Variants in GRIK2 observed in about 807,000 individuals in gnomAD.
GRIK2 encodes the protein glutamate ionotropic receptor kainate type subunit 2, also known as glutamate receptor ionotropic, kainate 2.
In GRIK2, 32 loss-of-function variants were observed where a neutral mutation model predicts 100.3. The ratio of observed to expected loss-of-function variants is 0.32; its 90% CI spans 0.24 to 0.43. The LOEUF is 0.43. GRIK2 is among the 20% of genes least tolerant of loss of function. The pLI, the probability that GRIK2 is intolerant of heterozygous loss-of-function variation, is 1.00. For missense variants in GRIK2, 843 were observed against 1,114.9 expected (o/e 0.76, Z 3.47); for synonymous variants, 417 against 389.4 (o/e 1.07, Z -0.83).
chr6:101,974,917 T>A (rs918415955), intron 14 of GRIK2, among the ~76,000 whole-genome samples: 3 of 151,892 alleles, frequency 2.0e-5, no homozygotes, highest in Non-Finnish European at 2.9e-5. Flanking sequence ...TGAATTTAAC[T>A]GAGACTTGAA....
chr6:101,499,638 A>G (rs1192398251), intron 2 of GRIK2, among the ~76,000 whole-genome samples: 4 of 152,020 alleles, frequency 2.6e-5, no homozygotes, highest in Non-Finnish European at 4.4e-5. Flanking sequence ...TTAACATTTA[A>G]CTTTTTTTCT....
At chr6:102,014,526 G>A (rs1795725254) in intron 14 of GRIK2, among the ~76,000 whole-genome samples, 2 of 151,904 alleles carry the variant, frequency 1.3e-5, no homozygotes, top group Non-Finnish European at 2.9e-5. Context: ...TCTTTTAATT[G>A]TGATGTTAGG....
At chr6:101,787,756 T>C (rs1779531078) in intron 7 of GRIK2, among the ~76,000 whole-genome samples, 1 of 152,168 alleles carries the variant, frequency 6.6e-6, no homozygotes, top group Non-Finnish European at 1.5e-5. Context: ...TGTGTGCTGA[T>C]GAGAAGAATG....
intron 2 of GRIK2, among the ~76,000 whole-genome samples, chr6:101,405,018 G>A (rs563412025): frequency 3.9e-5 from 6 of 152,230 alleles, no homozygotes; most frequent in African/African-American, 9.6e-5. Context: ...GTCATGGGGC[G>A]ATAAAGACCA....
intron 11 of GRIK2, among the ~76,000 whole-genome samples, chr6:101,863,776 T>C (rs1453086426): frequency 2.6e-5 from 4 of 152,320 alleles, no homozygotes; most frequent in African/African-American, 9.6e-5. Flanking sequence ...TGGGAAAGTT[T>C]CTTACTCTGT....
intron 2 of GRIK2, among the ~76,000 whole-genome samples, chr6:101,460,981 G>A (rs554750687): frequency 6.6e-6 from 1 of 152,278 alleles, no homozygotes; most frequent in South Asian, 2.1e-4. Flanking sequence ...TAGTATCAAT[G>A]TGTCTGTTAT....
chr6:101,530,596 C>T (rs757024958), intron 2 of GRIK2, among the ~76,000 whole-genome samples: 18 of 151,838 alleles, frequency 1.2e-4, no homozygotes, highest in Admixed American at 3.3e-4. Flanking sequence ...TTGAAGAATA[C>T]AAATTTGGCT....
chr6:101,405,080 G>A (rs542855832), intron 2 of GRIK2, among the ~76,000 whole-genome samples: 12 of 152,246 alleles, frequency 7.9e-5, no homozygotes, highest in East Asian at 3.9e-4. Context: ...AACTCTTACC[G>A]AACAAGAATT....
chr6:101,589,293 T>C (rs559208450), intron 2 of GRIK2, among the ~76,000 whole-genome samples: 1 of 152,270 alleles, frequency 6.6e-6, no homozygotes, highest in South Asian at 2.1e-4. Context: ...CACATAGTTA[T>C]TACTTTTGTG....
chr6:101,718,304 G>A (rs1774210338), intron 7 of GRIK2, among the ~76,000 whole-genome samples: 1 of 151,656 alleles, frequency 6.6e-6, no homozygotes. Flanking sequence ...AAAATAACTA[G>A]AAAACCATTG....
intron 7 of GRIK2, among the ~76,000 whole-genome samples, chr6:101,699,751 C>T (rs1187204042): frequency 6.6e-6 from 1 of 152,022 alleles, no homozygotes; most frequent in African/African-American, 2.4e-5. Context: ...AGAGTAGTCT[C>T]AGTAAAGCCA....
rs936511425 is a variant in GRIK2 at position 101,997,249 on chromosome 6, T to G, written c.2086-38092T>G. Among the ~76,000 whole-genome samples, 3 of 152,046 alleles carry G rather than the reference T, an allele frequency of 2.0e-5. No individual in the cohort carries two copies. In the South Asian group the frequency reaches 6.2e-4, roughly 31 times the overall value. ...TTAGTCTATGCAAGGTCTTTCTTTT[T>G]TATTTGAAAAATAGTTTTAAAAATT... On this transcript the variant is annotated intron_variant, in intron 14 of 16. Transcript: ENST00000369134.
intron 7 of GRIK2, among the ~76,000 whole-genome samples, chr6:101,692,757 A>T (rs564645304): frequency 7.3e-4 from 111 of 152,216 alleles, no homozygotes; most frequent in African/African-American, 2.5e-3. Context: ...ATTTATTAAC[A>T]TAAATGTTAT....
intron 10 of GRIK2, among the ~76,000 whole-genome samples, chr6:101,830,941 C>A (rs1478865164): frequency 6.6e-6 from 1 of 151,480 alleles, no homozygotes; most frequent in East Asian, 1.9e-4. Context: ...AAGATGGGAA[C>A]AATAGATACT....
chr6:102,055,222 A>G, intron 15 of GRIK2, 108 bp from the exon 16 acceptor site: 1 of 733,968 alleles, frequency 1.4e-6, no homozygotes, highest in Admixed American at 2.8e-5. Flanking sequence ...AAACATTGGC[A>G]CACTTTGAAG....
intron 2 of GRIK2, among the ~76,000 whole-genome samples, chr6:101,460,801 G>A (rs1254803892): frequency 6.6e-6 from 1 of 152,024 alleles, no homozygotes; most frequent in Non-Finnish European, 1.5e-5. Context: ...GAAGCCTGAG[G>A]GAAAGCAGAG....
chr6:101,737,191 C>T (rs1241703467), intron 7 of GRIK2, among the ~76,000 whole-genome samples: 2 of 152,136 alleles, frequency 1.3e-5, no homozygotes, highest in African/African-American at 4.8e-5. Flanking sequence ...TTCCTGTCTT[C>T]TTCTGAGCCC....
intron 2 of GRIK2, among the ~76,000 whole-genome samples, chr6:101,568,425 A>G (rs1777381770): frequency 6.6e-6 from 1 of 152,044 alleles, no homozygotes; most frequent in Non-Finnish European, 1.5e-5. Flanking sequence ...ATCAAGTCTC[A>G]GCTTACTACC....
intron 4 of GRIK2, among the ~76,000 whole-genome samples, chr6:101,662,485 CCTT>C (rs1306624875): frequency 6.6e-6 from 1 of 152,106 alleles, no homozygotes; most frequent in Non-Finnish European, 1.5e-5. Flanking sequence ...CTATGAAACT[CCTT>C]CTCTTGGAAA....
Sources: gnomAD v4.1 joint callset for allele counts (sites outside exome capture counted in the v4.1 genomes callset) on GRCh38, gnomAD v4.1.1 for gene constraint, MANE v1.5 for transcripts, NCBI Gene and HGNC (gene_info 2026-07-23, HGNC 2026-07-21) for gene names.